NIN: variants seen among roughly 807,000 people sequenced by gnomAD.
NIN encodes the protein ninein.
In NIN, 137 loss-of-function variants were observed where a neutral mutation model predicts 257.6. That is an observed-to-expected ratio of 0.53 (90% confidence interval 0.46 to 0.61). The LOEUF is 0.61. NIN is among the 20% of genes least tolerant of loss of function. The probability of loss-of-function intolerance (pLI) is 0.00; values close to 1 mark genes in which losing one functional copy is unlikely to be tolerated. For missense variants in NIN, 2,439 were observed against 2,501.2 expected (o/e 0.98, Z 0.53); for synonymous variants, 918 against 919.8 (o/e 1.00, Z 0.04).
chr14:50,768,485 C>A (rs537945650), intron 12 of NIN, among the ~76,000 whole-genome samples: 8 of 151,482 alleles, frequency 5.3e-5, no homozygotes, highest in African/African-American at 1.7e-4. Flanking sequence ...TATCTCTTGG[C>A]AAGAAAAAAG....
At position 50,752,417 on chromosome 14, in the gene NIN, T is replaced by C. The variant is rs372206851; in HGVS notation, c.4950+101A>G. On this transcript the variant is annotated intron_variant, in intron 21 of 30. Transcript: ENST00000530997. ...ATTCATGTGCCAGGACCATACTGTT[T>C]TAATTACTAAGGCTTTATGTTTAAG... 1.7e-5 allele frequency: 15 copies of C among 885,658 alleles called. No individual in the cohort carries two copies. In the East Asian group the frequency reaches 3.2e-4, roughly 19 times the overall value. 54.9% of individuals were successfully genotyped at this position (885,658 alleles called of 1,614,324 possible). A position where few individuals can be genotyped will look rare whatever the true frequency, so the allele number is the denominator to read the frequency against.
In NIN at chr14:50,721,098, A is replaced by G. The variant is rs2140294538; in HGVS notation, c.*2365T>C. 1 of 196,644 alleles carries G rather than the reference A, an allele frequency of 5.1e-6. No individual in the cohort carries two copies. The highest frequency in any genetic ancestry group is 2.3e-5 in the African/African-American group (1 of 43,486). 12.2% of individuals were successfully genotyped at this position (196,644 alleles called of 1,614,324 possible). On this transcript the variant is annotated 3_prime_UTR_variant, in exon 31 of 31. Transcript: ENST00000530997. ...CCAACTAAATTATAAATTGCCACTC[A>G]CCTTCTCAAAAATTGTTGCACAAAT... is the stretch of plus-strand genomic sequence containing the variant.
intron 24 of NIN, chr14:50,742,070 T>A (rs2041310086): frequency 4.9e-6 from 1 of 204,598 alleles, no homozygotes; most frequent in Non-Finnish European, 9.9e-6. Flanking sequence ...GCCTATGATG[T>A]TGGACTGTAA....
At chr14:50,779,438 A>G (rs906842517) in intron 5 of NIN, among the ~76,000 whole-genome samples, 1 of 152,204 alleles carries the variant, frequency 6.6e-6, no homozygotes, top group Non-Finnish European at 1.5e-5. Flanking sequence ...TGAGACCTGA[A>G]GGATAAACTG....
rs77661665 is a variant in NIN, at chr14:50,777,115, T to C, written c.500A>G (p.Asp167Gly). 6.2e-7 allele frequency: 1 copy of C among 1,611,926 alleles called. No individual in the cohort carries two copies. The highest frequency in any genetic ancestry group is 1.1e-5 in the South Asian group (1 of 90,698). ...TCCACTCTGTGAAGCATTCAAGTCA[T>C]CTGGGTTCCAAAACCTTAACTGGCC... is the stretch of plus-strand genomic sequence containing the variant. Reference protein sequence around the residue: ...AEGQLRFWNPDDLNASQSGSS... With the variant: ...AEGQLRFWNPGDLNASQSGSS... The change falls in exon 7 of 31, where the codon GAT (aspartate) becomes GGT (glycine). Residue 167 changes from aspartate (D) to glycine (G), a missense_variant. By Grantham distance (94) the Asp-to-Gly change is moderately conservative. Transcript: ENST00000530997.
At chr14:50,734,743 G>C (rs1225131773) in intron 28 of NIN, among the ~76,000 whole-genome samples, 1 of 152,000 alleles carries the variant, frequency 6.6e-6, no homozygotes, top group Non-Finnish European at 1.5e-5. Flanking sequence ...GCAGTGGTGT[G>C]ATCTCAGCTC....
chr14:50,731,976 A>T (rs1167754999), intron 28 of NIN, among the ~76,000 whole-genome samples: 2 of 152,220 alleles, frequency 1.3e-5, no homozygotes, highest in Non-Finnish European at 2.9e-5. Flanking sequence ...AGAGGTACAC[A>T]AGAGACTCGA....
rs186277937 is a variant in NIN at position 50,755,317 on chromosome 14, T to G, written c.4539-450A>C. Among the ~76,000 whole-genome samples, 16 of 152,334 alleles carry G rather than the reference T, an allele frequency of 1.1e-4. No homozygotes were observed. The East Asian group carries it at 1.5e-3, about 15-fold the overall frequency. ...CTCTATTGAAATCAAAGGGCCACAA[T>G]GAAATATGTACACTGTTTACTTTGT... is the stretch of plus-strand genomic sequence containing the variant. On this transcript the variant is annotated intron_variant, in intron 18 of 30. Coordinates refer to ENST00000530997, the MANE Select transcript of NIN (RefSeq NM_020921.4).
chr14:50,760,349 T>C lies in NIN; in HGVS notation c.1907A>G (p.Tyr636Cys). Reference sequence around the variant, plus strand: ...CACGGTTTCGTCCAGCTGCTTTTCATAATGGCGCACCTGAAGGCACAGAGT... The same window carrying C: ...CACGGTTTCGTCCAGCTGCTTTTCACAATGGCGCACCTGAAGGCACAGAGT... The part of the protein sequence containing the change: ...RLELEDKVRH[Y>C]EKQLDETVVS... The change falls in exon 17 of 31, where the codon TAT becomes TGT. Residue 636 changes from tyrosine to cysteine, a missense_variant. Physicochemically the swap from Tyr to Cys is radical, Grantham distance 194. Coordinates refer to ENST00000530997, the MANE Select transcript of NIN (RefSeq NM_020921.4). The C allele has an allele frequency of 1.9e-6, 3 of 1,603,104 alleles. No homozygotes were observed. Among genetic ancestry groups the C allele is most frequent in the Non-Finnish European group, 2.5e-6 (3 of 1,178,956 alleles).
intron 4 of NIN, among the ~76,000 whole-genome samples, chr14:50,793,809 A>T (rs2043709071): frequency 6.6e-6 from 1 of 152,172 alleles, no homozygotes; most frequent in Admixed American, 6.5e-5. Context: ...TAAAATAAAT[A>T]CTTCACTCTA....
At chr14:50,782,580 T>C (rs921865655) in intron 5 of NIN, among the ~76,000 whole-genome samples, 1 of 152,250 alleles carries the variant, frequency 6.6e-6, no homozygotes, top group African/African-American at 2.4e-5. Flanking sequence ...GAAATAGAGA[T>C]AATAAAAACA....
chr14:50,785,397 A>G (rs1256311387), intron 5 of NIN, among the ~76,000 whole-genome samples: 1 of 152,258 alleles, frequency 6.6e-6, no homozygotes, highest in East Asian at 1.9e-4. Context: ...TTATGGGGGC[A>G]GACACCGGGG....
At chr14:50,831,495 AGAGG>A (rs1301334715), upstream of NIN, among the ~76,000 whole-genome samples, 1 of 152,092 alleles carries the variant, frequency 6.6e-6, no homozygotes, top group African/African-American at 2.4e-5. Context: ...GTCTTCGCGC[AGAGG>A]AAGGGCCCCC....
chr14:50,816,277 T>C (rs1256060149), intron 3 of NIN, among the ~76,000 whole-genome samples: 3 of 152,238 alleles, frequency 2.0e-5, no homozygotes, highest in African/African-American at 7.2e-5. Flanking sequence ...ACCTAGGTGA[T>C]GGGTTGATCT....
intron 21 of NIN, among the ~76,000 whole-genome samples, chr14:50,750,222 C>T (rs1239538656): frequency 6.6e-6 from 1 of 152,014 alleles, no homozygotes; most frequent in Non-Finnish European, 1.5e-5. Context: ...CCAAGGAACC[C>T]TGGTTCCTTT....
intron 5 of NIN, among the ~76,000 whole-genome samples, chr14:50,789,704 G>C (rs2043501723): frequency 1.3e-5 from 2 of 152,150 alleles, no homozygotes; most frequent in African/African-American, 4.8e-5. Context: ...GCAGCTGGGG[G>C]CCACTCTAGA....
chr14:50,764,171 TAAG>T (rs1449606590), intron 14 of NIN, among the ~76,000 whole-genome samples: 1 of 152,214 alleles, frequency 6.6e-6, no homozygotes, highest in African/African-American at 2.4e-5. Context: ...AGCTCAATAA[TAAG>T]ACAATTTTAA....
Position 50,760,113 on chromosome 14 carries a change from G to A in NIN, c.2143C>T (p.Leu715=). The A allele has an allele frequency of 2.5e-6, 4 of 1,614,188 alleles. No homozygotes were observed. Among genetic ancestry groups the A allele is most frequent in the Non-Finnish European group, 3.4e-6 (4 of 1,180,030 alleles). Residue 715 remains leucine (L), a synonymous_variant, in exon 17 of 31, where the codon CTG becomes TTG. Coordinates refer to ENST00000530997, the MANE Select transcript of NIN (RefSeq NM_020921.4). ...QVKLEEEKTH[L]QEKLRLQHEM... ...TGTTGCAGCCTCAGCTTCTCCTGCA[G>A]GTGAGTCTTTTCCTCCTCAAGCTTC...
chr14:50,735,646 GA>G (rs1380750217), intron 27 of NIN, 29 bp from the exon 28 acceptor site: 1 of 1,587,034 alleles, frequency 6.3e-7, no homozygotes, highest in East Asian at 2.3e-5. Flanking sequence ...ATATTCCCTT[GA>G]AACAGAAACA....
Sources: allele counts gnomAD v4.1 joint callset (sites outside exome capture counted in the v4.1 genomes callset), GRCh38; gene constraint gnomAD v4.1.1; transcripts MANE v1.5; gene names NCBI Gene and HGNC (gene_info 2026-07-23, HGNC 2026-07-21).